The following ZNF804B variants were observed in gnomAD, a reference collection of about 807,000 sequenced individuals.
ZNF804B encodes the protein zinc finger protein 804B.
Under a neutral mutation model 101.4 loss-of-function variants are expected in ZNF804B, and 80 were observed. The ratio of observed to expected loss-of-function variants is 0.79; its 90% confidence interval spans 0.66 to 0.95. The LOEUF is 0.95. Ranked by LOEUF, ZNF804B falls within the 40% of genes least tolerant of loss-of-function variation. ZNF804B has a pLI of 0.00. For missense variants in ZNF804B, 1,673 were observed against 1,561.9 expected (o/e 1.07, Z -1.20); for synonymous variants, 622 against 558.8 (o/e 1.11, Z -1.59).
intron 2 of ZNF804B, among the ~76,000 whole-genome samples, chr7:89,278,046 C>A (rs1360432760): frequency 6.6e-6 from 1 of 152,200 alleles, no homozygotes; most frequent in Admixed American, 6.5e-5. Context: ...GCCATTCTAA[C>A]TGGTGTAAGA....
intron 1 of ZNF804B, among the ~76,000 whole-genome samples, chr7:88,912,359 A>G (rs545793106): frequency 9.1e-4 from 138 of 152,136 alleles, no homozygotes; most frequent in African/African-American, 3.1e-3. Context: ...TTTCTAATCT[A>G]TGGCATGCCT....
intron 1 of ZNF804B, among the ~76,000 whole-genome samples, chr7:88,807,771 GAATC>G (rs1187416299): frequency 6.6e-6 from 1 of 152,154 alleles, no homozygotes; most frequent in Non-Finnish European, 1.5e-5. Flanking sequence ...TTGGGATTGA[GAATC>G]AGTAAATAAT....
At chr7:88,901,184 G>A (rs1192472637) in intron 1 of ZNF804B, among the ~76,000 whole-genome samples, 1 of 151,656 alleles carries the variant, frequency 6.6e-6, no homozygotes, top group African/African-American at 2.4e-5. Context: ...TAACTTAACA[G>A]TTTTCCCTTT....
rs145633965 is a variant in ZNF804B at position 89,099,286 on chromosome 7, A to G, written c.109-118869A>G. ...CTTGAAATCTAGAGCTCTTTCTTTG[A>G]AAGGATGATCTAAGGACAGCTATAT... On this transcript the variant is annotated intron_variant, in intron 1 of 3. Coordinates refer to ENST00000333190, the MANE Select transcript of ZNF804B (RefSeq NM_181646.5). Among the ~76,000 whole-genome samples the G allele has an allele frequency of 1.0e-3, 158 of 152,178 alleles. 1 individual carries two copies. The East Asian group carries it at 0.029, about 28-fold the overall frequency.
intron 1 of ZNF804B, among the ~76,000 whole-genome samples, chr7:88,938,474 T>G (rs1793006191): frequency 1.3e-5 from 2 of 152,052 alleles, no homozygotes; most frequent in South Asian, 4.1e-4. Flanking sequence ...TAAAATATTT[T>G]TATTTTCTTC....
chr7:89,286,866 A>ATG (rs1288256159), intron 2 of ZNF804B, among the ~76,000 whole-genome samples: 1 of 152,170 alleles, frequency 6.6e-6, no homozygotes, highest in Non-Finnish European at 1.5e-5. Flanking sequence ...AAATATAGAC[A>ATG]GAAATACAAT....
At chr7:88,936,957 A>G (rs1792980809) in intron 1 of ZNF804B, among the ~76,000 whole-genome samples, 1 of 152,064 alleles carries the variant, frequency 6.6e-6, no homozygotes, top group African/African-American at 2.4e-5. Flanking sequence ...GCCACAAAGT[A>G]TTAATAAATA....
chr7:89,061,425 G>A (rs1172043686), intron 1 of ZNF804B, among the ~76,000 whole-genome samples: 1 of 151,770 alleles, frequency 6.6e-6, no homozygotes, highest in Non-Finnish European at 1.5e-5. Context: ...TCATATCAGG[G>A]AAACGACACA....
At chr7:88,926,202 C>T (rs568177015) in intron 1 of ZNF804B, among the ~76,000 whole-genome samples, 58 of 152,116 alleles carry the variant, frequency 3.8e-4, no homozygotes, top group African/African-American at 1.2e-3. Context: ...GCACATCTTA[C>T]GGAAAAAGGT....
intron 1 of ZNF804B, among the ~76,000 whole-genome samples, chr7:88,963,930 T>A (rs187896925): frequency 3.3e-5 from 5 of 151,456 alleles, no homozygotes; most frequent in African/African-American, 4.8e-5. Flanking sequence ...ATGATGAACA[T>A]CATTAATCAG....
chr7:88,916,561 T>C (rs1395299663), intron 1 of ZNF804B, among the ~76,000 whole-genome samples: 1 of 152,154 alleles, frequency 6.6e-6, no homozygotes, highest in Non-Finnish European at 1.5e-5. Flanking sequence ...TTAGACTCTA[T>C]AAAATAAGAT....
At chr7:89,254,795 G>A (rs7779511) in intron 2 of ZNF804B, among the ~76,000 whole-genome samples, 18,523 of 151,622 alleles carry the variant, frequency 0.12, 1,216 homozygotes, top group Middle Eastern at 0.25. Context: ...ACAGGCGCCC[G>A]CCACCACACC....
intron 1 of ZNF804B, among the ~76,000 whole-genome samples, chr7:89,089,592 C>T (rs1374450916): frequency 6.6e-6 from 1 of 151,864 alleles, no homozygotes; most frequent in East Asian, 1.9e-4. Flanking sequence ...TACAAATGCA[C>T]ACACATACCC....
In ZNF804B at chr7:89,260,959, A is replaced by AT. The variant is rs1405617488; in HGVS notation, c.249+42664_249+42665insT. Among the ~76,000 whole-genome samples the AT allele has an allele frequency of 3.7e-3, 568 of 152,296 alleles. 3 individuals are homozygous for AT. Among genetic ancestry groups the AT allele is most frequent in the African/African-American group, 0.013 (532 of 41,560 alleles). Reference sequence around the variant, plus strand: ...GGTTTATGGCATTTGCACTAAGCACAATAAAAATATGAGAAAACCATGATA... The same window carrying AT: ...GGTTTATGGCATTTGCACTAAGCACATATAAAAATATGAGAAAACCATGATA... On this transcript the variant is annotated intron_variant, in intron 2 of 3. Coordinates refer to ENST00000333190, the MANE Select transcript of ZNF804B (RefSeq NM_181646.5).
chr7:89,196,950 G>A (rs1788562938), intron 1 of ZNF804B, among the ~76,000 whole-genome samples: 2 of 151,938 alleles, frequency 1.3e-5, no homozygotes, highest in African/African-American at 4.8e-5. Flanking sequence ...ATGGCTATTA[G>A]TAAAAAGTCA....
At chr7:89,006,752 A>G (rs1348954567) in intron 1 of ZNF804B, among the ~76,000 whole-genome samples, 1 of 152,076 alleles carries the variant, frequency 6.6e-6, no homozygotes, top group Non-Finnish European at 1.5e-5. Context: ...AAGGAGGCAT[A>G]TTTTCAGGAG....
chr7:89,055,162 G>C (rs1789271487), intron 1 of ZNF804B, among the ~76,000 whole-genome samples: 1 of 152,122 alleles, frequency 6.6e-6, no homozygotes, highest in African/African-American at 2.4e-5. Context: ...GACCAAGAAA[G>C]TTCGGTTATG....
intron 2 of ZNF804B, among the ~76,000 whole-genome samples, chr7:89,303,117 A>G (rs1156879776): frequency 6.6e-6 from 1 of 151,828 alleles, no homozygotes; most frequent in East Asian, 1.9e-4. Flanking sequence ...GAAAAAGCCA[A>G]GATGTTTCTG....
intron 1 of ZNF804B, among the ~76,000 whole-genome samples, chr7:88,901,812 T>A (rs1792395922): frequency 6.6e-6 from 1 of 151,950 alleles, no homozygotes; most frequent in South Asian, 2.1e-4. Flanking sequence ...TATTTACTAT[T>A]GTTGGAATAA....
Sources: gnomAD v4.1 joint callset for allele counts (sites outside exome capture counted in the v4.1 genomes callset) on GRCh38, gnomAD v4.1.1 for gene constraint, MANE v1.5 for transcripts, NCBI Gene and HGNC (gene_info 2026-07-23, HGNC 2026-07-21) for gene names.